TMEM135: variants seen among roughly 807,000 people sequenced by gnomAD.
TMEM135 encodes the protein peroxisomal membrane protein 52.
TMEM135 carries 30 observed loss-of-function variants against 60.3 expected under a neutral mutation model. That is an observed-to-expected ratio of 0.50 (90% CI 0.37 to 0.68). The LOEUF (loss-of-function observed/expected upper bound fraction) is 0.68. TMEM135 is among the 30% of genes least tolerant of loss of function. The pLI is 0.00. For synonymous variants in TMEM135, 190 were observed against 186.7 expected (o/e 1.02, Z -0.14); for missense variants, 468 against 548.8 (o/e 0.85, Z 1.47).
intron 5 of TMEM135, among the ~76,000 whole-genome samples, chr11:87,169,554 C>T (rs566130249): frequency 1.3e-5 from 2 of 151,986 alleles, no homozygotes; most frequent in South Asian, 2.1e-4. Context: ...TTCTTTTTCG[C>T]TTATGAAGCT....
Position 87,071,591 on chromosome 11 carries a change from C to T in TMEM135, c.338C>T (p.Ala113Val). ...FGAALPASYVAILIERKSRRG... is the reference protein window; with the variant it reads ...FGAALPASYVVILIERKSRRG... ...GCCGCTCTGCCAGCATCTTATGTGG[C>T]CATTCTCATTGAAAGAAAAAGCAGG... Residue 113 changes from alanine to valine, a missense_variant, in exon 3 of 15, where the codon GCC becomes GTC. Transcript: ENST00000305494. The T allele has an allele frequency of 6.2e-7, 1 of 1,613,506 alleles. No homozygotes were observed. Among genetic ancestry groups the T allele is most frequent in the East Asian group, 2.2e-5 (1 of 44,832 alleles).
chr11:87,213,584 G>C (rs1940427235), intron 5 of TMEM135, among the ~76,000 whole-genome samples: 1 of 152,060 alleles, frequency 6.6e-6, no homozygotes, highest in Admixed American at 6.6e-5. Flanking sequence ...TTCCGTATTA[G>C]TAGGTGGTTT....
intron 5 of TMEM135, among the ~76,000 whole-genome samples, chr11:87,181,390 G>C (rs1277598389): frequency 6.6e-6 from 1 of 152,120 alleles, no homozygotes; most frequent in Non-Finnish European, 1.5e-5. Flanking sequence ...GGACAAAGAG[G>C]TTGGTACAGA....
intron 4 of TMEM135, among the ~76,000 whole-genome samples, chr11:87,122,753 G>A (rs918159070): frequency 1.3e-5 from 2 of 152,234 alleles, no homozygotes; most frequent in African/African-American, 2.4e-5. Flanking sequence ...GAGCCACCGC[G>A]CCTGGCCAGA....
chr11:87,055,313 A>C (rs13377595), intron 1 of TMEM135, among the ~76,000 whole-genome samples: 23,286 of 152,188 alleles, frequency 0.15, 1,859 homozygotes, highest in Non-Finnish European at 0.17. Context: ...TTATTTGACA[A>C]TTTCACAAAT....
Position 87,322,637 on chromosome 11 carries a change from C to T in TMEM135, c.*1304C>T. 2.2e-6 allele frequency: 1 copy of T among 453,442 alleles called. No individual in the cohort carries two copies. The highest frequency in any genetic ancestry group is 4.4e-6 in the Non-Finnish European group (1 of 226,666). The allele number at this position is 453,442 out of a possible 1,614,324, so 28.1% of individuals were successfully genotyped here. A position where few individuals can be genotyped will look rare whatever the true frequency, so the allele number is the denominator to read the frequency against. ...TTGCTAAAAAGTTTTTAGGCCAGTG[C>T]AAATTATGCAGTAGAACTTGTGTTG... On this transcript the variant is annotated 3_prime_UTR_variant, in exon 15 of 15. Coordinates refer to ENST00000305494, the MANE Select transcript of TMEM135 (RefSeq NM_022918.4).
Position 87,323,695 on chromosome 11 carries a change from T to C in TMEM135, c.*2362T>C, listed in dbSNP as rs1261113634. 2 of 452,790 alleles carry C rather than the reference T, an allele frequency of 4.4e-6. No homozygotes were observed. Among genetic ancestry groups the C allele is most frequent in the Admixed American group, 4.7e-5 (2 of 42,380 alleles). The allele number at this position is 452,790 out of a possible 1,614,324, so 28.0% of individuals were successfully genotyped here. A position where few individuals can be genotyped will look rare whatever the true frequency, so the allele number is the denominator to read the frequency against. On this transcript the variant is annotated 3_prime_UTR_variant, in exon 15 of 15. Coordinates refer to ENST00000305494, the MANE Select transcript of TMEM135 (RefSeq NM_022918.4). Reference sequence around the variant, plus strand: ...TGGTATTATGGTCATTTCGTTGCTATTTTCTGTTTTAATAAAATCCTAGAA... The same window carrying C: ...TGGTATTATGGTCATTTCGTTGCTACTTTCTGTTTTAATAAAATCCTAGAA...
chr11:87,079,999 G>A (rs1856955173), intron 3 of TMEM135, among the ~76,000 whole-genome samples: 2 of 150,872 alleles, frequency 1.3e-5, no homozygotes, highest in African/African-American at 4.9e-5. Flanking sequence ...GTGCCACCTC[G>A]CCTGGCTAAT....
At chr11:87,302,220 A>T in intron 7 of TMEM135, 76 bp from the exon 8 acceptor site, 1 of 1,483,146 alleles carries the variant, frequency 6.7e-7, no homozygotes, top group East Asian at 2.3e-5. Context: ...GTATTTGTTT[A>T]TAAACAAAGT....
chr11:87,275,253 C>G (rs1436890116), intron 6 of TMEM135, among the ~76,000 whole-genome samples: 1 of 152,120 alleles, frequency 6.6e-6, no homozygotes, highest in African/African-American at 2.4e-5. Flanking sequence ...AATTTAGACT[C>G]TGAAGCTTGA....
At chr11:87,252,599 C>T (rs1407706711) in intron 6 of TMEM135, among the ~76,000 whole-genome samples, 2 of 151,586 alleles carry the variant, frequency 1.3e-5, no homozygotes, top group Non-Finnish European at 2.9e-5. Context: ...ATGGAGAAAC[C>T]CCGTCACTAC....
intron 1 of TMEM135, 133 bp downstream of exon 1, chr11:87,038,319 T>TGGGGGGGTGGGAGTGTTTG: frequency 4.4e-6 from 1 of 229,322 alleles, no homozygotes; most frequent in South Asian, 4.4e-5. Flanking sequence ...CGGAGTGTTT[T>TGGGGGGGTGGGAGTGTTTG]GGGGGGTCGG....
At position 87,157,299 on chromosome 11, in the gene TMEM135, G is replaced by A. The variant is rs377543195; in HGVS notation, c.397-42G>A. Reference sequence around the variant, plus strand: ...TGGGATATACAATTGAGGAGAGATTGTAGATCATATATTTTTGCTGTTTTT... The same window carrying A: ...TGGGATATACAATTGAGGAGAGATTATAGATCATATATTTTTGCTGTTTTT... On this transcript the variant is annotated intron_variant, in intron 4 of 14. Coordinates refer to ENST00000305494, the MANE Select transcript of TMEM135 (RefSeq NM_022918.4). The A allele has an allele frequency of 9.7e-6, 15 of 1,542,106 alleles. No individual in the cohort carries two copies. The South Asian group carries it at 1.7e-4, about 17-fold the overall frequency.
chr11:87,044,973 A>G (rs761046086), intron 1 of TMEM135, among the ~76,000 whole-genome samples: 44 of 150,792 alleles, frequency 2.9e-4, no homozygotes, highest in Non-Finnish European at 5.6e-4. Context: ...TAAATGAACA[A>G]TTGAATAATG....
intron 4 of TMEM135, among the ~76,000 whole-genome samples, chr11:87,102,694 A>G (rs539393580): frequency 6.5e-5 from 6 of 92,842 alleles, no homozygotes; most frequent in East Asian, 8.1e-4. Flanking sequence ...ATGTGTGTGT[A>G]TATATATATG....
chr11:87,321,340 C>G lies in TMEM135; in HGVS notation c.*7C>G. 2 of 1,613,352 alleles carry G rather than the reference C, an allele frequency of 1.2e-6. No homozygotes were observed. The highest frequency in any genetic ancestry group is 1.7e-6 in the Non-Finnish European group (2 of 1,179,504). The stretch of plus-strand genomic sequence containing the variant: ...GCCCACAGAGTTTTCCTGAAGATGA[C>G]TGTAACTTATTAATGTGACTAAATG... On this transcript the variant is annotated 3_prime_UTR_variant, in exon 15 of 15. Transcript: ENST00000305494.
chr11:87,302,338 A>G lies in TMEM135; in HGVS notation c.594A>G (p.Ser198=). The G allele has an allele frequency of 6.2e-7, 1 of 1,613,658 alleles. No homozygotes were observed. The highest frequency in any genetic ancestry group is 1.3e-5 in the African/African-American group (1 of 74,938). The change falls in exon 8 of 15, where the codon TCA becomes TCG. Residue 198 remains serine (S), a synonymous_variant. Coordinates refer to ENST00000305494, the MANE Select transcript of TMEM135 (RefSeq NM_022918.4). ...GKEEIPTHSF[S]PEAAYAKVEQ... ...AAGAAATTCCCACACATTCTTTTTC[A>G]CCAGAGGCAGCATATGCAAAAGTGG...
intron 5 of TMEM135, among the ~76,000 whole-genome samples, chr11:87,205,146 T>G (rs944920550): frequency 5.9e-5 from 9 of 152,160 alleles, no homozygotes; most frequent in Admixed American, 3.3e-4. Context: ...GAAAGAAGTG[T>G]TTAGCTTCAG....
At chr11:87,247,190 G>A (rs575877100) in intron 6 of TMEM135, among the ~76,000 whole-genome samples, 1 of 152,220 alleles carries the variant, frequency 6.6e-6, no homozygotes, top group African/African-American at 2.4e-5. Flanking sequence ...CATGAATGCT[G>A]ATGTCTGATC....
Sources: allele counts gnomAD v4.1 joint callset (sites outside exome capture counted in the v4.1 genomes callset), GRCh38; gene constraint gnomAD v4.1.1; transcripts MANE v1.5; gene names NCBI Gene and HGNC (gene_info 2026-07-23, HGNC 2026-07-21).